ZNF611: variants seen among roughly 807,000 people sequenced by gnomAD.
ZNF611 encodes the protein zinc finger protein 611.
In ZNF611, 6 loss-of-function variants were observed where a neutral mutation model predicts 8.9. That is an observed-to-expected ratio of 0.68 (90% confidence interval 0.37 to 1.34). The LOEUF (loss-of-function observed/expected upper bound fraction) is 1.34, where lower values mean the gene tolerates loss of function less well. ZNF611 is among the 40% of genes most tolerant of loss of function. The pLI is 0.02. For missense variants in ZNF611, 874 were observed against 841.3 expected (o/e 1.04, Z -0.48); for synonymous variants, 262 against 279.7 (o/e 0.94, Z 0.63).
In ZNF611 at chr19:52,703,509, C is replaced by T. The variant is rs2062218370; in HGVS notation, c.*1428G>A. 1 of 150,924 alleles carries T rather than the reference C, an allele frequency of 6.6e-6. No individual in the cohort carries two copies. The highest frequency in any genetic ancestry group is 6.6e-5 in the Admixed American group (1 of 15,118). The allele number at this position is 150,924 out of a possible 1,614,324, so 9.3% of individuals were successfully genotyped here. On this transcript the variant is annotated 3_prime_UTR_variant, in exon 6 of 6. Coordinates refer to ENST00000652185, the MANE Select transcript of ZNF611 (RefSeq NM_001161499.2). Reference sequence around the variant, plus strand: ...GTTAGGGTGCTTTTGAAATTGTGACCTTAGGTGACCAGTTCACATGGGTCG... The same window carrying T: ...GTTAGGGTGCTTTTGAAATTGTGACTTTAGGTGACCAGTTCACATGGGTCG...
intron 3 of ZNF611, among the ~76,000 whole-genome samples, chr19:52,717,145 C>T (rs529662654): frequency 3.9e-5 from 6 of 152,258 alleles, no homozygotes. Flanking sequence ...AGTTGTCCCA[C>T]TTTCCCAGAC....
intron 5 of ZNF611, among the ~76,000 whole-genome samples, chr19:52,712,454 ACT>A (rs2062286330): frequency 1.2e-5 from 1 of 80,594 alleles, no homozygotes; most frequent in Non-Finnish European, 2.3e-5. Context: ...CACTGTCTCT[ACT>A]AAAAAAAAAA....
intron 5 of ZNF611, chr19:52,708,054 C>T (rs1289555861): frequency 3.3e-5 from 5 of 151,928 alleles, no homozygotes; most frequent in Admixed American, 6.6e-5. Context: ...AACCAGCAAG[C>T]AAATAAGTAC....
chr19:52,715,439 A>G (rs1287828223), intron 4 of ZNF611, among the ~76,000 whole-genome samples: 1 of 152,172 alleles, frequency 6.6e-6, no homozygotes, highest in Non-Finnish European at 1.5e-5. Flanking sequence ...TCTCCTTATT[A>G]TTCTCCTTTT....
Position 52,706,211 on chromosome 19 carries a change from T to A in ZNF611, c.844A>T (p.Thr282Ser), listed in dbSNP as rs766795079. 4.3e-6 allele frequency: 7 copies of A among 1,614,162 alleles called. No homozygotes were observed. The South Asian group carries it at 7.7e-5, about 18-fold the overall frequency. ...QYLACHDRCH[T>S]VEKPYKCKEC... Reference sequence around the variant, plus strand: ...TTACACTTGTAAGGTTTCTCAACAGTGTGACATCTATCATGGCATGCAAGG... The same window carrying A: ...TTACACTTGTAAGGTTTCTCAACAGAGTGACATCTATCATGGCATGCAAGG... Residue 282 changes from threonine (T) to serine (S), a missense_variant, in exon 6 of 6, where the codon ACT (threonine) becomes TCT (serine). By Grantham distance (58) the Thr-to-Ser change is moderately conservative. Coordinates refer to ENST00000652185, the MANE Select transcript of ZNF611 (RefSeq NM_001161499.2).
intron 3 of ZNF611, among the ~76,000 whole-genome samples, chr19:52,716,934 G>C (rs561425816): frequency 7.3e-4 from 111 of 152,110 alleles, no homozygotes; most frequent in Middle Eastern, 3.4e-3. Flanking sequence ...TTGGGAAGCT[G>C]AGGCAGGAGA....
intron 3 of ZNF611, among the ~76,000 whole-genome samples, chr19:52,723,253 CTTT>C (rs56217135): frequency 9.7e-6 from 1 of 103,182 alleles, no homozygotes. Flanking sequence ...CTTATTTAAC[CTTT>C]TTTTTTTTTT....
chr19:52,711,411 C>A (rs1438598138), intron 5 of ZNF611: 18 of 151,918 alleles, frequency 1.2e-4, no homozygotes, highest in South Asian at 4.2e-4. Context: ...CAAATAATGA[C>A]AGCAGGCCCA....
intron 1 of ZNF611, among the ~76,000 whole-genome samples, chr19:52,733,495 T>G (rs1483599126): frequency 6.6e-6 from 1 of 151,388 alleles, no homozygotes; most frequent in Non-Finnish European, 1.5e-5. Flanking sequence ...GGGGGGGAGG[T>G]CTCACTATGT....
chr19:52,734,541 G>C (rs1044394923), intron 1 of ZNF611, among the ~76,000 whole-genome samples: 3 of 54,712 alleles, frequency 5.5e-5, no homozygotes, highest in African/African-American at 1.8e-4. Context: ...CGGGGCGGGG[G>C]GGGGGGGCGC....
chr19:52,705,349 T>A lies in ZNF611; in HGVS notation c.1706A>T (p.Asn569Ile). Residue 569 changes from asparagine to isoleucine, a missense_variant, in exon 6 of 6, where the codon AAT (asparagine) becomes ATT (isoleucine). By Grantham distance (149) the Asn-to-Ile change is moderately radical. Transcript: ENST00000652185. ...IHSGEKPYKCNECSKTFSHRS... is the reference protein window; with the variant it reads ...IHSGEKPYKCIECSKTFSHRS... Reference sequence around the variant, plus strand: ...GTGACTGAAGGTCTTGCTGCACTCATTACACTTGTAAGGTTTCTCTCCACT... The same window carrying A: ...GTGACTGAAGGTCTTGCTGCACTCAATACACTTGTAAGGTTTCTCTCCACT... The A allele has an allele frequency of 1.2e-6, 2 of 1,614,198 alleles. No homozygotes were observed. The highest frequency in any genetic ancestry group is 2.2e-5 in the East Asian group (1 of 44,872).
intron 3 of ZNF611, among the ~76,000 whole-genome samples, chr19:52,719,984 T>C (rs2062343858): frequency 6.6e-6 from 1 of 152,208 alleles, no homozygotes; most frequent in Non-Finnish European, 1.5e-5. Context: ...AGGAGCATGC[T>C]GCCTTTAAGC....
intron 5 of ZNF611, among the ~76,000 whole-genome samples, chr19:52,712,456 TAAAA>T (rs55649603): frequency 4.0e-4 from 15 of 37,458 alleles, no homozygotes; most frequent in African/African-American, 7.8e-4. Context: ...CTGTCTCTAC[TAAAA>T]AAAAAAAAAA....
chr19:52,713,412 G>T (rs968501014), intron 5 of ZNF611, among the ~76,000 whole-genome samples: 1 of 152,142 alleles, frequency 6.6e-6, no homozygotes, highest in Admixed American at 6.5e-5. Context: ...ACATATTGGT[G>T]TGAAAAATGT....
chr19:52,734,929 C>G (rs1208203373), intron 1 of ZNF611, 72 bp downstream of exon 1: 1 of 152,306 alleles, frequency 6.6e-6, no homozygotes, highest in East Asian at 1.9e-4. Flanking sequence ...CTGTGGGGAC[C>G]CCACGTCCCA....
intron 5 of ZNF611, among the ~76,000 whole-genome samples, chr19:52,713,783 C>T (rs1235175309): frequency 6.6e-6 from 1 of 152,008 alleles, no homozygotes; most frequent in Non-Finnish European, 1.5e-5. Context: ...AACAGCTACT[C>T]AGGAGGCTGA....
chr19:52,708,032 A>T (rs1164775868), intron 5 of ZNF611: 1 of 152,214 alleles, frequency 6.6e-6, no homozygotes, highest in Admixed American at 6.6e-5. Context: ...AAAATATTGT[A>T]ACCCAAGATA....
chr19:52,730,721 A>C (rs1313721106), intron 1 of ZNF611, among the ~76,000 whole-genome samples: 1 of 151,526 alleles, frequency 6.6e-6, no homozygotes, highest in Non-Finnish European at 1.5e-5. Flanking sequence ...AGTAGCTGGG[A>C]TTACAGGCAT....
intron 3 of ZNF611, chr19:52,723,929 A>T (rs985480405): frequency 6.6e-6 from 1 of 152,274 alleles, no homozygotes; most frequent in African/African-American, 2.4e-5. Context: ...TCAGTGCAGT[A>T]AACAGCAGTA....
Sources: gnomAD v4.1 joint callset for allele counts (sites outside exome capture counted in the v4.1 genomes callset) on GRCh38, gnomAD v4.1.1 for gene constraint, MANE v1.5 for transcripts, NCBI Gene and HGNC (gene_info 2026-07-23, HGNC 2026-07-21) for gene names.